RGS6: variants seen among roughly 807,000 people sequenced by gnomAD.
RGS6 encodes regulator of G protein signaling 6.
In RGS6, 30 loss-of-function variants were observed where a neutral mutation model predicts 78.5. That is an observed-to-expected ratio of 0.38 (90% confidence interval 0.29 to 0.52). The LOEUF (loss-of-function observed/expected upper bound fraction) is 0.52, where lower values mean the gene tolerates loss of function less well. RGS6 is among the 20% of genes least tolerant of loss of function. The probability of loss-of-function intolerance (pLI) is 0.85; values close to 1 mark genes in which losing one functional copy is unlikely to be tolerated. For synonymous variants in RGS6, 206 were observed against 206.0 expected, an observed-to-expected ratio of 1.00 and a Z score of 0.00; for missense variants, 495 against 609.7, an observed-to-expected ratio of 0.81 and a Z score of 1.98.
the RGS6 span, among the ~76,000 whole-genome samples, chr14:72,598,135 G>C: frequency 6.6e-6 from 1 of 152,236 alleles, no homozygotes; most frequent in Non-Finnish European, 1.5e-5. Flanking sequence ...GGCATTGTGG[G>C]GAGAAGTTAG....
intron 17 of RGS6, chr14:72,540,320 C>A: frequency 6.8e-7 from 1 of 1,473,628 alleles, no homozygotes; most frequent in East Asian, 2.4e-5. Context: ...GAAGGTGCAC[C>A]CTTGATCGCC....
intron 3 of RGS6, among the ~76,000 whole-genome samples, chr14:72,444,138 T>G (rs2095294966): frequency 1.3e-5 from 2 of 152,050 alleles, no homozygotes; most frequent in African/African-American, 4.8e-5. Flanking sequence ...ATATAAGACT[T>G]GGGATTCGGA....
intron 2 of RGS6, among the ~76,000 whole-genome samples, chr14:72,038,031 T>G (rs536546800): frequency 2.6e-5 from 4 of 151,616 alleles, no homozygotes; most frequent in Non-Finnish European, 5.9e-5. Context: ...AGTGCAATGG[T>G]GCAATCTCAG....
At chr14:71,995,601 C>T (rs1190320668) in intron 2 of RGS6, among the ~76,000 whole-genome samples, 1 of 152,116 alleles carries the variant, frequency 6.6e-6, no homozygotes, top group Non-Finnish European at 1.5e-5. Context: ...ATGGTGCTCG[C>T]CTCATAGGGG....
intron 2 of RGS6, among the ~76,000 whole-genome samples, chr14:72,341,375 T>C (rs8003559): frequency 0.47 from 70,730 of 152,042 alleles, 16,783 homozygotes; most frequent in South Asian, 0.6. Flanking sequence ...CCACGAGGCC[T>C]CTGCTCTAAC....
At chr14:72,599,173 C>T in the RGS6 span, among the ~76,000 whole-genome samples, 1 of 152,122 alleles carries the variant, frequency 6.6e-6, no homozygotes, top group Admixed American at 6.5e-5. Context: ...ACTCTTTCCC[C>T]AACAAAATTT....
chr14:72,185,508 T>A, intron 2 of RGS6, among the ~76,000 whole-genome samples: 1 of 152,184 alleles, frequency 6.6e-6, no homozygotes, highest in Non-Finnish European at 1.5e-5. Context: ...TTTATTTCAA[T>A]CAATATTTAA....
At chr14:72,094,524 A>T (rs1290504383) in intron 2 of RGS6, among the ~76,000 whole-genome samples, 1 of 152,146 alleles carries the variant, frequency 6.6e-6, no homozygotes, top group Non-Finnish European at 1.5e-5. Context: ...TTTCAATATA[A>T]ATTTATGAAA....
intron 2 of RGS6, among the ~76,000 whole-genome samples, chr14:72,200,708 C>T (rs1226641878): frequency 6.6e-6 from 1 of 152,132 alleles, no homozygotes; most frequent in Non-Finnish European, 1.5e-5. Flanking sequence ...TCAAAAGCCC[C>T]ACAGTATTTG....
chr14:72,617,852 G>A, the RGS6 span, among the ~76,000 whole-genome samples: 5 of 152,182 alleles, frequency 3.3e-5, 1 homozygote, highest in Non-Finnish European at 7.3e-5. Flanking sequence ...CACAGAGATG[G>A]AGCTGATTTC....
intron 2 of RGS6, among the ~76,000 whole-genome samples, chr14:72,262,341 T>G (rs1045920314): frequency 6.6e-6 from 1 of 152,208 alleles, no homozygotes; most frequent in Admixed American, 6.5e-5. Context: ...AAGATCAAGG[T>G]GGAGGCCTCT....
chr14:72,551,130 G>T (rs1171140681), intron 17 of RGS6, among the ~76,000 whole-genome samples: 2 of 151,966 alleles, frequency 1.3e-5, no homozygotes, highest in Non-Finnish European at 2.9e-5. Flanking sequence ...GTGAGCCACC[G>T]TGCCCAGCTC....
At chr14:72,587,119 T>C in the RGS6 span, among the ~76,000 whole-genome samples, 1 of 152,208 alleles carries the variant, frequency 6.6e-6, no homozygotes, top group African/African-American at 2.4e-5. Context: ...GCCACGTCTC[T>C]GTGTTTCTGG....
chr14:72,106,918 G>A (rs2095644804), intron 2 of RGS6, among the ~76,000 whole-genome samples: 1 of 152,126 alleles, frequency 6.6e-6, no homozygotes, highest in Non-Finnish European at 1.5e-5. Context: ...AGGTGGGACT[G>A]CGTTTTTTGT....
intron 2 of RGS6, among the ~76,000 whole-genome samples, chr14:72,326,031 A>G (rs80139845): frequency 6.6e-6 from 1 of 152,210 alleles, no homozygotes; most frequent in Non-Finnish European, 1.5e-5. Flanking sequence ...CAGAAATTTC[A>G]CTTCTAGGAA....
the RGS6 span, among the ~76,000 whole-genome samples, chr14:72,579,780 G>C: frequency 6.6e-6 from 1 of 152,212 alleles, no homozygotes; most frequent in East Asian, 1.9e-4. Context: ...ATAGCAACAA[G>C]TAAACATGGC....
At chr14:72,537,367 C>G in intron 16 of RGS6, 1 of 643,130 alleles carries the variant, frequency 1.6e-6, no homozygotes, top group Non-Finnish European at 2.8e-6. Context: ...TGGGACCACA[C>G]AACTCCAGAG....
chr14:72,518,366 C>T lies in RGS6; in HGVS notation c.1107C>T (p.Val369=), dbSNP rs765855814. ...CCCACTTCAGGTTCTGGCTGGCTGT[C>T]CAAGATCTTAAGAAACAACCCCTAC... ...SSENLRFWLA[V]QDLKKQPLQD... is the part of the protein sequence containing the mutation. Residue 369 remains valine (V), a synonymous_variant, in exon 15 of 18, where the codon GTC becomes GTT. Transcript: ENST00000553525. The T allele has an allele frequency of 1.2e-6, 2 of 1,613,636 alleles. No individual in the cohort carries two copies. The highest frequency in any genetic ancestry group is 1.7e-6 in the Non-Finnish European group (2 of 1,179,698).
intron 2 of RGS6, among the ~76,000 whole-genome samples, chr14:72,340,036 G>T (rs1370270402): frequency 6.6e-6 from 1 of 152,108 alleles, no homozygotes; most frequent in East Asian, 1.9e-4. Context: ...AAAGCACCAA[G>T]GGAAGGGCCC....
Sources: gnomAD v4.1 joint callset for allele counts (sites outside exome capture counted in the v4.1 genomes callset) on GRCh38, gnomAD v4.1.1 for gene constraint, MANE v1.5 for transcripts, NCBI Gene and HGNC (gene_info 2026-07-23, HGNC 2026-07-21) for gene names.